LRBA: variants seen among roughly 807,000 people sequenced by gnomAD.
The protein encoded by LRBA is LPS responsive beige-like anchor protein.
Under a neutral mutation model 330.0 loss-of-function variants are expected in LRBA, and 176 were observed. The ratio of observed to expected loss-of-function variants is 0.53; its 90% CI spans 0.47 to 0.60. The LOEUF is 0.60. Ranked by LOEUF, LRBA falls within the 20% of genes least tolerant of loss-of-function variation. LRBA has a pLI of 0.00. For missense variants in LRBA, 3,259 were observed against 3,444.8 expected, an observed-to-expected ratio of 0.95 and a Z score of 1.35; for synonymous variants, 1,230 against 1,193.0, an observed-to-expected ratio of 1.03 and a Z score of -0.64.
intron 9 of LRBA, 90 bp from the exon 10 acceptor site, chr4:150,908,947 C>G (rs927445787): frequency 2.5e-6 from 2 of 798,964 alleles, no homozygotes; most frequent in African/African-American, 3.5e-5. Flanking sequence ...AGGAGACAGA[C>G]CATTGATAAT....
chr4:150,420,064 C>T (rs966218165), intron 46 of LRBA, among the ~76,000 whole-genome samples: 3 of 150,372 alleles, frequency 2.0e-5, no homozygotes, highest in Non-Finnish European at 3.0e-5. Context: ...TGGCAAGACC[C>T]GTCTCTACAA....
At chr4:150,518,928 C>T (rs1457893532) in intron 40 of LRBA, among the ~76,000 whole-genome samples, 2 of 152,034 alleles carry the variant, frequency 1.3e-5, no homozygotes, top group Admixed American at 6.6e-5. Flanking sequence ...TCCTGAGGAC[C>T]GGTATCCTTA....
intron 35 of LRBA, among the ~76,000 whole-genome samples, chr4:150,746,684 A>T (rs770762274): frequency 4.3e-4 from 65 of 151,578 alleles, no homozygotes; most frequent in Non-Finnish European, 7.1e-4. Context: ...CTAATTTTTT[A>T]TATTTTTAGT....
At chr4:151,000,598 T>C (rs1398697553) in intron 2 of LRBA, among the ~76,000 whole-genome samples, 2 of 152,182 alleles carry the variant, frequency 1.3e-5, no homozygotes, top group East Asian at 1.9e-4. Context: ...ACGTAGAGCA[T>C]GGATACGCTG....
chr4:150,758,263 C>A (rs1240065545), intron 35 of LRBA, among the ~76,000 whole-genome samples: 3 of 152,170 alleles, frequency 2.0e-5, no homozygotes, highest in Non-Finnish European at 2.9e-5. Flanking sequence ...AGTAAACGAT[C>A]CTGCTTTGTT....
chr4:150,685,498 T>A (rs1783536687), intron 36 of LRBA, among the ~76,000 whole-genome samples: 1 of 137,350 alleles, frequency 7.3e-6, no homozygotes, highest in Admixed American at 7.6e-5. Context: ...TGGCGTGATC[T>A]TCTTGGCTCA....
intron 16 of LRBA, 127 bp downstream of exon 16, chr4:150,896,267 T>A: frequency 1.8e-6 from 1 of 554,708 alleles, no homozygotes; most frequent in East Asian, 3.4e-5. Context: ...GCTTAGTTCC[T>A]AAGTAGACAC....
At chr4:150,551,355 T>C (rs759725033) in intron 40 of LRBA, among the ~76,000 whole-genome samples, 2 of 152,142 alleles carry the variant, frequency 1.3e-5, no homozygotes, top group African/African-American at 4.8e-5. Context: ...AACTTGTGTA[T>C]GGATAAACAT....
rs1411188978 is a variant in LRBA, at chr4:150,467,649, T to C, written c.6780+24A>G. ...ATTTTTATATGCAAGACAATTATAT[T>C]TCACATCATTACTGAGAAATTACCT... On this transcript the variant is annotated intron_variant, in intron 44 of 56. Coordinates refer to ENST00000651943, the MANE Select transcript of LRBA (RefSeq NM_001364905.1). 2.3e-6 allele frequency: 3 copies of C among 1,314,900 alleles called. No homozygotes were observed. In the South Asian group the frequency reaches 3.8e-5, roughly 17 times the overall value. 81.5% of individuals were successfully genotyped at this position (1,314,900 alleles called of 1,614,324 possible). A position where few individuals can be genotyped will look rare whatever the true frequency, so the allele number is the denominator to read the frequency against.
In LRBA at chr4:150,588,185, C is replaced by T. The variant is rs201234639; in HGVS notation, c.6194-1G>A. 6.3e-7 allele frequency: 1 copy of T among 1,576,630 alleles called. No homozygotes were observed. The highest frequency in any genetic ancestry group is 1.4e-5 in the African/African-American group (1 of 72,942). On this transcript the variant is annotated splice_acceptor_variant, in intron 39 of 56. Transcript: ENST00000651943. LOFTEE classifies it high-confidence loss of function. ...GCTGGTGTGCTCAGGCTAACAGGAC[C>T]TGCCAAAAGGAAAAGACAAGCCACA... is the stretch of plus-strand genomic sequence containing the variant.
chr4:150,894,494 T>A (rs901659293), intron 16 of LRBA, among the ~76,000 whole-genome samples: 1 of 152,224 alleles, frequency 6.6e-6, no homozygotes, highest in Admixed American at 6.5e-5. Context: ...CTACCTTTGT[T>A]GCATATACCA....
At position 150,328,431 on chromosome 4, in the gene LRBA, G is replaced by A. The variant is rs143154416; in HGVS notation, c.7363-2533C>T. Among the ~76,000 whole-genome samples, 893 of 152,062 alleles carry A rather than the reference G, an allele frequency of 5.9e-3. 4 individuals carry two copies. The highest frequency in any genetic ancestry group is 0.021 in the African/African-American group (858 of 41,466). On this transcript the variant is annotated intron_variant, in intron 48 of 56. Coordinates refer to ENST00000651943, the MANE Select transcript of LRBA (RefSeq NM_001364905.1). ...TATCTTTCTCTCTTGTTGTATATGT[G>A]TGCATGTTTTTAAGCAGCAGAAATG... is the stretch of plus-strand genomic sequence containing the variant.
chr4:150,736,756 C>A (rs1731233852), intron 35 of LRBA, among the ~76,000 whole-genome samples: 1 of 152,034 alleles, frequency 6.6e-6, no homozygotes, highest in South Asian at 2.1e-4. Flanking sequence ...GCTACAAAAC[C>A]CAAGCAGGGT....
chr4:150,800,143 G>T (rs992129495), intron 33 of LRBA, among the ~76,000 whole-genome samples: 1 of 152,220 alleles, frequency 6.6e-6, no homozygotes, highest in African/African-American at 2.4e-5. Flanking sequence ...CAAACCAGAA[G>T]AAGGTTCATA....
intron 37 of LRBA, among the ~76,000 whole-genome samples, chr4:150,620,992 T>G (rs1481847180): frequency 6.6e-6 from 1 of 152,162 alleles, no homozygotes; most frequent in Non-Finnish European, 1.5e-5. Context: ...TTTTGAAATT[T>G]TTTTGGAGAA....
intron 44 of LRBA, among the ~76,000 whole-genome samples, chr4:150,465,038 G>A (rs112526427): frequency 6.6e-6 from 1 of 151,832 alleles, no homozygotes. Context: ...CCTATTACAT[G>A]AAACACTAAC....
intron 37 of LRBA, among the ~76,000 whole-genome samples, chr4:150,606,002 T>G (rs1279379991): frequency 6.6e-6 from 1 of 152,200 alleles, no homozygotes; most frequent in Non-Finnish European, 1.5e-5. Flanking sequence ...ATCATATATT[T>G]TATTTAATTA....
At chr4:150,419,039 A>G (rs1052623256) in intron 46 of LRBA, among the ~76,000 whole-genome samples, 1 of 152,150 alleles carries the variant, frequency 6.6e-6, no homozygotes, top group African/African-American at 2.4e-5. Flanking sequence ...GGGAATGGTG[A>G]GCGGGTCACT....
rs77360785 is a variant in LRBA at position 150,766,717 on chromosome 4, A to G, written c.5581-4870T>C. ...ATTTACAATTATACAGTGATGCAAA[A>G]TGCATAGTACATTTAAAGGTCTTGG... On this transcript the variant is annotated intron_variant, in intron 34 of 56. Coordinates refer to ENST00000651943, the MANE Select transcript of LRBA (RefSeq NM_001364905.1). Among the ~76,000 whole-genome samples, 962 of 152,300 alleles carry G rather than the reference A, an allele frequency of 6.3e-3. 5 individuals carry two copies. Among genetic ancestry groups the G allele is most frequent in the Non-Finnish European group, 0.011 (761 of 67,972 alleles).
Sources: gnomAD v4.1 joint callset for allele counts (sites outside exome capture counted in the v4.1 genomes callset) on GRCh38, gnomAD v4.1.1 for gene constraint, MANE v1.5 for transcripts, NCBI Gene and HGNC (gene_info 2026-07-23, HGNC 2026-07-21) for gene names.